The following SYTL2 variants were observed in gnomAD, a reference collection of about 807,000 sequenced individuals.
SYTL2 encodes the protein synaptotagmin like 2, also known as synaptotagmin-like protein 2.
In SYTL2, 165 loss-of-function variants were observed where a neutral mutation model predicts 198.7. The observed-to-expected ratio is 0.83, with a 90% CI of 0.73 to 0.94. The LOEUF (loss-of-function observed/expected upper bound fraction) is 0.94, where lower values mean the gene tolerates loss of function less well. Ranked by LOEUF, SYTL2 falls within the 40% of genes least tolerant of loss-of-function variation. SYTL2 has a pLI of 0.00. For missense variants in SYTL2, 2,835 were observed against 2,582.8 expected (o/e 1.10, Z -2.12); for synonymous variants, 966 against 917.7 (o/e 1.05, Z -0.95).
At chr11:85,722,602 A>G (rs1048697456) in intron 8 of SYTL2, among the ~76,000 whole-genome samples, 1 of 152,146 alleles carries the variant, frequency 6.6e-6, no homozygotes, top group East Asian at 1.9e-4. Flanking sequence ...CCTGTGGGTC[A>G]GTTTACACTA....
chr11:85,696,415 G>T, intron 18 of SYTL2, 27 bp from the exon 19 acceptor site: 1 of 1,561,664 alleles, frequency 6.4e-7, no homozygotes. Flanking sequence ...GATTGTGGGA[G>T]CATTTTAGTA....
In SYTL2 at chr11:85,723,953, C is replaced by A. The variant is rs923500817; in HGVS notation, c.5326+79G>T. On this transcript the variant is annotated intron_variant, in intron 8 of 19. Coordinates refer to ENST00000359152, the MANE Select transcript of SYTL2 (RefSeq NM_206927.4). ...ATCATTTAAGAATATCAAATTAATCCCAATTAAAAAAAATCATCCTTTACA... is the reference window on the plus strand; with the variant it reads ...ATCATTTAAGAATATCAAATTAATCACAATTAAAAAAAATCATCCTTTACA... The A allele has an allele frequency of 2.0e-5, 14 of 699,066 alleles. 1 individual carries two copies. Among genetic ancestry groups the A allele is most frequent in the Middle Eastern group, 5.8e-4 (2 of 3,426 alleles). 43.3% of individuals were successfully genotyped at this position (699,066 alleles called of 1,614,324 possible).
intron 19 of SYTL2, among the ~76,000 whole-genome samples, chr11:85,695,721 T>TA (rs1486953471): frequency 1.3e-5 from 2 of 152,192 alleles, no homozygotes; most frequent in African/African-American, 4.8e-5. Flanking sequence ...TGCCACTTTG[T>TA]AGCTATGTTA....
At chr11:85,787,521 T>C (rs1344296656) in intron 1 of SYTL2, among the ~76,000 whole-genome samples, 2 of 152,038 alleles carry the variant, frequency 1.3e-5, no homozygotes, top group African/African-American at 2.4e-5. Context: ...TAAATGTAGA[T>C]AGAGGATGGA....
At chr11:85,802,825 C>T (rs1315815308) in intron 1 of SYTL2, among the ~76,000 whole-genome samples, 1 of 152,138 alleles carries the variant, frequency 6.6e-6, no homozygotes, top group Non-Finnish European at 1.5e-5. Context: ...GAGTCCTATC[C>T]CAAAGAAACT....
intron 13 of SYTL2, 38 bp from the exon 14 acceptor site, chr11:85,709,538 TC>T (rs2085881812): frequency 6.3e-7 from 1 of 1,591,946 alleles, no homozygotes; most frequent in Non-Finnish European, 8.6e-7. Flanking sequence ...TGTCTCTATC[TC>T]ATTCTTAAAC....
Position 85,704,965 on chromosome 11 carries a change from T to C in SYTL2, c.6082A>G (p.Thr2028Ala), listed in dbSNP as rs1271850178. ...CCTAGGAAACTATTGCGCTTAAATG[T>C]ATCCCGATGCCAAATGGACAGGTTC... is the stretch of plus-strand genomic sequence containing the variant. ...KLNLSIWHRD[T>A]FKRNSFLGEV... Residue 2028 changes from threonine to alanine, a missense_variant, in exon 16 of 20, where the codon ACA (threonine) becomes GCA (alanine). Transcript: ENST00000359152. 1 of 1,613,514 alleles carries C rather than the reference T, an allele frequency of 6.2e-7. No homozygotes were observed. The highest frequency in any genetic ancestry group is 8.5e-7 in the Non-Finnish European group (1 of 1,179,658).
Position 85,712,878 on chromosome 11 carries a change from G to A in SYTL2, c.5625+1535C>T, listed in dbSNP as rs138214551. Among the ~76,000 whole-genome samples the A allele has an allele frequency of 4.9e-4, 74 of 152,022 alleles. No homozygotes were observed. The East Asian group carries it at 0.012, about 24-fold the overall frequency. ...ATTATAGACATGAGCCACCATGCCC[G>A]GCTAATTTTTTGAATTTTTAGTAGA... On this transcript the variant is annotated intron_variant, in intron 12 of 19. Transcript: ENST00000359152.
the SYTL2 span, among the ~76,000 whole-genome samples, chr11:85,830,913 T>A: frequency 2.0e-5 from 3 of 152,204 alleles, no homozygotes; most frequent in East Asian, 5.8e-4. Context: ...AGTTCTTGCA[T>A]TAGGGTCAGC....
At chr11:85,835,697 A>G in the SYTL2 span, among the ~76,000 whole-genome samples, 1 of 152,168 alleles carries the variant, frequency 6.6e-6, no homozygotes, top group African/African-American at 2.4e-5. Context: ...ATTACTGTCT[A>G]GATCTACTGC....
At chr11:85,732,986 A>G (rs562947440) in intron 7 of SYTL2, among the ~76,000 whole-genome samples, 101 of 152,308 alleles carry the variant, frequency 6.6e-4, no homozygotes, top group South Asian at 1.5e-3. Flanking sequence ...TGAGAGTGGT[A>G]AGACCTTCAA....
rs2092687194 is a variant in SYTL2, at chr11:85,789,338, G to GTATATATATATATATATA, written c.-390+21615_-390+21616insTATATATATATATATATA. Among the ~76,000 whole-genome samples the GTATATATATATATATATA allele has an allele frequency of 7.4e-5, 2 of 27,088 alleles. 1 individual carries two copies. The highest frequency in any genetic ancestry group is 1.5e-4 in the Non-Finnish European group (2 of 12,926). The allele number at this position is 27,088 out of a possible 152,430, so 17.8% of individuals were successfully genotyped here. A position where few individuals can be genotyped will look rare whatever the true frequency, so the allele number is the denominator to read the frequency against. On this transcript the variant is annotated intron_variant, in intron 1 of 19. Transcript: ENST00000359152. Reference sequence around the variant, plus strand: ...TGTGTGTGTGTATGTGTGTGTGTGTGTGTATATATATATATATATATATAT... The same window carrying GTATATATATATATATATA: ...TGTGTGTGTGTATGTGTGTGTGTGTGTATATATATATATATATATGTATATATATATATATATATATAT...
rs1396083720 is a variant in SYTL2, at chr11:85,725,636, G to C, written c.3722C>G (p.Ser1241Cys). The change falls in exon 8 of 20, where the codon TCT becomes TGT. Residue 1241 changes from serine to cysteine, a missense_variant. This residue lies in a region of SYTL2 where 2,645 missense variants were observed against 2,381.7 expected (regional missense o/e 1.11). Transcript: ENST00000359152. Reference sequence around the variant, plus strand: ...AAAAAATCTCCCCTCTTCCAGCTTAGAGTTGGTTCCAGTGATAACAGGCGC... The same window carrying C: ...AAAAAATCTCCCCTCTTCCAGCTTACAGTTGGTTCCAGTGATAACAGGCGC... ...KLAPVITGTN[S>C]KLEEGRFFGK... 1 of 1,614,000 alleles carries C rather than the reference G, an allele frequency of 6.2e-7. No homozygotes were observed. Among genetic ancestry groups the C allele is most frequent in the Non-Finnish European group, 8.5e-7 (1 of 1,180,044 alleles).
chr11:85,712,604 C>T (rs12364920), intron 12 of SYTL2, among the ~76,000 whole-genome samples: 1,930 of 152,152 alleles, frequency 0.013, 23 homozygotes, highest in Non-Finnish European at 0.021. Flanking sequence ...GAACTCTCTT[C>T]TGTGTGGAGC....
chr11:85,816,747 A>G, the SYTL2 span, among the ~76,000 whole-genome samples: 1 of 138,600 alleles, frequency 7.2e-6, no homozygotes, highest in Non-Finnish European at 1.7e-5. Context: ...TGTTCTCTAC[A>G]AAAAATAAAA....
At chr11:85,833,091 G>A in the SYTL2 span, among the ~76,000 whole-genome samples, 1 of 47,386 alleles carries the variant, frequency 2.1e-5, no homozygotes, top group Admixed American at 2.4e-4. Flanking sequence ...AAGAAAGAAA[G>A]AAAGAAAGAA....
At chr11:85,781,427 C>T (rs1424275726) in intron 1 of SYTL2, among the ~76,000 whole-genome samples, 3 of 152,090 alleles carry the variant, frequency 2.0e-5, no homozygotes, top group African/African-American at 7.2e-5. Context: ...GGGGACACAG[C>T]CAAACCATAT....
chr11:85,720,310 A>G lies in SYTL2; in HGVS notation c.5428+548T>C, dbSNP rs1322422270. Among the ~76,000 whole-genome samples the G allele has an allele frequency of 3.3e-5, 5 of 152,300 alleles. No homozygotes were observed. The East Asian group carries it at 9.6e-4, about 29-fold the overall frequency. Reference sequence around the variant, plus strand: ...TGGACATCCAACGCTGTCATATATAATGTGGTCCCTTCATAAATGTTCTTG... The same window carrying G: ...TGGACATCCAACGCTGTCATATATAGTGTGGTCCCTTCATAAATGTTCTTG... On this transcript the variant is annotated intron_variant, in intron 9 of 19. Coordinates refer to ENST00000359152, the MANE Select transcript of SYTL2 (RefSeq NM_206927.4).
chr11:85,841,697 A>G, the SYTL2 span, among the ~76,000 whole-genome samples: 1 of 152,150 alleles, frequency 6.6e-6, no homozygotes, highest in Admixed American at 6.5e-5. Flanking sequence ...GAGGGAGAGG[A>G]TGAGGAAAAA....
Sources: gnomAD v4.1 joint callset for allele counts (sites outside exome capture counted in the v4.1 genomes callset) on GRCh38, gnomAD v4.1.1 for gene constraint, gnomAD v4.1.1 regional missense constraint, MANE v1.5 for transcripts, NCBI Gene and HGNC (gene_info 2026-07-23, HGNC 2026-07-21) for gene names.